PCDHGA3: variants seen among roughly 807,000 people sequenced by gnomAD.
PCDHGA3 encodes protocadherin gamma subfamily A, 3, also known as protocadherin gamma-A3.
PCDHGA3 carries 40 observed loss-of-function variants against 58.5 expected under a neutral mutation model. The observed-to-expected ratio is 0.68, with a 90% confidence interval of 0.53 to 0.89. PCDHGA3 has a LOEUF of 0.89. Among genes scored for constraint, PCDHGA3 ranks in the 40% least tolerant of loss-of-function variants. The pLI, the probability that PCDHGA3 is intolerant of heterozygous loss-of-function variation, is 0.00. For synonymous variants in PCDHGA3, 530 were observed against 525.7 expected (o/e 1.01, Z -0.11); for missense variants, 1,223 against 1,195.9 (o/e 1.02, Z -0.33).
chr5:141,473,784 G>A (rs1457988232), intron 1 of PCDHGA3, among the ~76,000 whole-genome samples: 1 of 152,226 alleles, frequency 6.6e-6, no homozygotes, highest in Non-Finnish European at 1.5e-5. Flanking sequence ...TTTAATTCAA[G>A]AGCAGTATGA....
At chr5:141,394,783 C>A in intron 1 of PCDHGA3, 7 of 1,613,732 alleles carry the variant, frequency 4.3e-6, no homozygotes, top group Non-Finnish European at 5.9e-6. Flanking sequence ...CTCTCCGCCA[C>A]TGTCACGCTC....
At chr5:141,416,530 G>A (rs976560428) in intron 1 of PCDHGA3, 2 of 152,160 alleles carry the variant, frequency 1.3e-5, no homozygotes, top group Non-Finnish European at 2.9e-5. Flanking sequence ...GCTCTTTAAT[G>A]TATAAGGAGG....
intron 1 of PCDHGA3, chr5:141,350,305 G>A (rs1758443560): frequency 6.6e-7 from 1 of 1,521,768 alleles, no homozygotes; most frequent in African/African-American, 1.4e-5. Flanking sequence ...GTCAGGTACT[G>A]TTTCCCTTCC....
At position 141,448,695 on chromosome 5, in the gene PCDHGA3, C is replaced by T. The variant is rs535473305; in HGVS notation, c.2425-46112C>T. 2.7e-4 allele frequency among the ~76,000 whole-genome samples: 41 copies of T among 152,246 alleles called. No homozygotes were observed. In the South Asian group the frequency reaches 8.5e-3, roughly 32 times the overall value. On this transcript the variant is annotated intron_variant, in intron 1 of 3. Coordinates refer to ENST00000253812, the MANE Select transcript of PCDHGA3 (RefSeq NM_018916.4). Reference sequence around the variant, plus strand: ...GTGGCTCACGCCTGTAATCGCAGCACTTTGGGAGGCCGAGGCGGGAGGATC... The same window carrying T: ...GTGGCTCACGCCTGTAATCGCAGCATTTTGGGAGGCCGAGGCGGGAGGATC...
intron 3 of PCDHGA3, among the ~76,000 whole-genome samples, chr5:141,509,362 G>C (rs2099876497): frequency 6.6e-6 from 1 of 152,152 alleles, no homozygotes; most frequent in Non-Finnish European, 1.5e-5. Flanking sequence ...GCATCCCTGA[G>C]GTTTTAACTG....
intron 1 of PCDHGA3, chr5:141,357,241 T>G (rs1760519359): frequency 6.2e-7 from 1 of 1,613,712 alleles, no homozygotes; most frequent in Non-Finnish European, 8.5e-7. Context: ...CCTCAAGCCT[T>G]CAGCAGACCC....
chr5:141,438,767 T>C (rs1478209487), intron 1 of PCDHGA3, among the ~76,000 whole-genome samples: 2 of 148,566 alleles, frequency 1.3e-5, no homozygotes, highest in Non-Finnish European at 3.0e-5. Flanking sequence ...GTTCAAGCGA[T>C]TCTCCTGCCT....
chr5:141,472,060 T>C (rs185246000), intron 1 of PCDHGA3, among the ~76,000 whole-genome samples: 5 of 152,276 alleles, frequency 3.3e-5, no homozygotes, highest in Non-Finnish European at 1.5e-5. Context: ...ATGATTGACA[T>C]GTCTGTGGTT....
rs776685212 is a variant in PCDHGA3 at position 141,370,880 on chromosome 5, A to T, written c.2424+24423A>T. The stretch of plus-strand genomic sequence containing the variant: ...TGGAATCTGCGCAAGATCCTGATGT[A>T]GGTGTCAATTCGCTGCAGCAGTACT... On this transcript the variant is annotated intron_variant, in intron 1 of 3. Coordinates refer to ENST00000253812, the MANE Select transcript of PCDHGA3 (RefSeq NM_018916.4). 4 of 1,614,042 alleles carry T rather than the reference A, an allele frequency of 2.5e-6. No individual in the cohort carries two copies. In the South Asian group the frequency reaches 3.3e-5, roughly 13 times the overall value.
Position 141,374,021 on chromosome 5 carries a change from C to G in PCDHGA3, c.2424+27564C>G. 3 of 1,406,168 alleles carry G rather than the reference C, an allele frequency of 2.1e-6. No homozygotes were observed. In the South Asian group the frequency reaches 5.2e-5, roughly 24 times the overall value. The allele number at this position is 1,406,168 out of a possible 1,614,324, so 87.1% of individuals were successfully genotyped here. The stretch of plus-strand genomic sequence containing the variant: ...CCTTCACCGCTATTTCTGAGAAGAG[C>G]AAAAGTGATGCAGATCTGTTCTTCC... On this transcript the variant is annotated intron_variant, in intron 1 of 3. Transcript: ENST00000253812.
intron 1 of PCDHGA3, chr5:141,404,042 A>G: frequency 3.1e-6 from 5 of 1,613,892 alleles, no homozygotes; most frequent in Non-Finnish European, 4.2e-6. Context: ...ACCTCAGGGA[A>G]CAGTAATTCT....
At chr5:141,422,758 A>C (rs1237677806) in intron 1 of PCDHGA3, 3 of 1,613,032 alleles carry the variant, frequency 1.9e-6, no homozygotes, top group Non-Finnish European at 2.5e-6. Flanking sequence ...TATTAACTCC[A>C]ACACTGGTGT....
At chr5:141,375,323 G>A in intron 1 of PCDHGA3, 1 of 1,613,814 alleles carries the variant, frequency 6.2e-7, no homozygotes, top group Non-Finnish European at 8.5e-7. Context: ...AGACCGGGAA[G>A]AGGTATTCTT....
chr5:141,498,265 T>G (rs2099782779), intron 2 of PCDHGA3, among the ~76,000 whole-genome samples: 2 of 152,010 alleles, frequency 1.3e-5, no homozygotes, highest in Non-Finnish European at 2.9e-5. Context: ...TGTTGAGTTC[T>G]TCAGTAAACT....
intron 1 of PCDHGA3, chr5:141,351,944 G>C: frequency 6.2e-7 from 1 of 1,613,160 alleles, no homozygotes; most frequent in South Asian, 1.1e-5. Context: ...GCTGTACCCC[G>C]CGCTGGGGCC....
intron 1 of PCDHGA3, chr5:141,413,123 A>T: frequency 6.5e-7 from 1 of 1,526,818 alleles, no homozygotes. Flanking sequence ...GAACCGGTTG[A>T]AACACACAAC....
At chr5:141,417,854 C>G in intron 1 of PCDHGA3, 2 of 1,543,902 alleles carry the variant, frequency 1.3e-6, no homozygotes, top group Non-Finnish European at 1.8e-6. Flanking sequence ...AGAACCCGAG[C>G]GAACGATGGG....
intron 1 of PCDHGA3, among the ~76,000 whole-genome samples, chr5:141,450,038 A>G (rs2098666630): frequency 8.1e-6 from 1 of 124,190 alleles, no homozygotes; most frequent in African/African-American, 3.3e-5. Context: ...ACAGGGTCTC[A>G]CTCTTTCGCC....
At chr5:141,492,312 C>T (rs1470136040) in intron 1 of PCDHGA3, among the ~76,000 whole-genome samples, 2 of 152,348 alleles carry the variant, frequency 1.3e-5, no homozygotes, top group African/African-American at 4.8e-5. Flanking sequence ...CGCACGCACT[C>T]CTCGCACGTG....
Sources: gnomAD v4.1 joint callset for allele counts (sites outside exome capture counted in the v4.1 genomes callset) on GRCh38, gnomAD v4.1.1 for gene constraint, MANE v1.5 for transcripts, NCBI Gene and HGNC (gene_info 2026-07-23, HGNC 2026-07-21) for gene names.